Variants in BCAS3 observed in about 807,000 individuals in gnomAD.
BCAS3 encodes the protein BCAS4/BCAS3 fusion.
A neutral mutation model predicts 116.1 loss-of-function variants in BCAS3; 53 were observed. The observed-to-expected ratio is 0.46, with a 90% CI of 0.37 to 0.57. The LOEUF is 0.57. Among genes scored for constraint, BCAS3 ranks in the 20% least tolerant of loss-of-function variants. The pLI is 0.00. For missense variants in BCAS3, 917 were observed against 1,165.4 expected (o/e 0.79, Z 3.10); for synonymous variants, 391 against 408.2 (o/e 0.96, Z 0.51).
rs769079887 is a variant in BCAS3, at chr17:61,181,098, C to T, written c.2425+96534C>T. On this transcript the variant is annotated intron_variant, in intron 22 of 23. Transcript: ENST00000407086. The surrounding 1 kb of genome is among the most constrained non-coding windows in gnomAD (Gnocchi z 5.0). The stretch of plus-strand genomic sequence containing the variant: ...AAAATTAGCCCAGAATGGTGGCACA[C>T]GCCTGTAGTCTCAGCTACTCAGGAG... Among the ~76,000 whole-genome samples, 15 of 152,080 alleles carry T rather than the reference C, an allele frequency of 9.9e-5. No individual in the cohort carries two copies. Among genetic ancestry groups the T allele is most frequent in the East Asian group, 3.9e-4 (2 of 5,192 alleles).
rs540744230 is a variant in BCAS3, at chr17:61,129,756, C to T, written c.2425+45192C>T. ...ATTGTTTGACACCTTTAGTTCCTCC[C>T]GTGGACTTCATGTCCTTCCTTGTCC... On this transcript the variant is annotated intron_variant, in intron 22 of 23. Coordinates refer to ENST00000407086, the MANE Select transcript of BCAS3 (RefSeq NM_017679.5). Among the ~76,000 whole-genome samples, 3 of 152,318 alleles carry T rather than the reference C, an allele frequency of 2.0e-5. No individual in the cohort carries two copies. The East Asian group carries it at 5.8e-4, about 29-fold the overall frequency.
In BCAS3 at chr17:61,171,942, C is replaced by A. The variant is rs2078864148; in HGVS notation, c.2425+87378C>A. On this transcript the variant is annotated intron_variant, in intron 22 of 23. Transcript: ENST00000407086. The surrounding 1 kb of genome is among the most constrained non-coding windows in gnomAD (Gnocchi z 4.1). ...GCCACCATACCCAGCAAACAGGAAGCTTTAAAAAGCAGGAATGGCTATATT... is the reference window on the plus strand; with the variant it reads ...GCCACCATACCCAGCAAACAGGAAGATTTAAAAAGCAGGAATGGCTATATT... 6.6e-6 allele frequency among the ~76,000 whole-genome samples: 1 copy of A among 151,982 alleles called. No homozygotes were observed. The highest frequency in any genetic ancestry group is 6.6e-5 in the Admixed American group (1 of 15,252).
chr17:60,921,065 G>A (rs1294612372), intron 12 of BCAS3, among the ~76,000 whole-genome samples: 3 of 152,038 alleles, frequency 2.0e-5, no homozygotes, highest in Non-Finnish European at 4.4e-5. Flanking sequence ...CCACTAATGG[G>A]TATATACCCA....
In BCAS3 at chr17:61,315,955, G is replaced by T. The variant is rs2054696773; in HGVS notation, c.2426-52372G>T. ...TCTCTATCTCACTGAACCTCTTTAG[G>T]ACCAGGATTTTCCCTTTTCATGTGT... On this transcript the variant is annotated intron_variant, in intron 22 of 23. Transcript: ENST00000407086. This position sits in a 1 kb window ranked among gnomAD's most constrained non-coding sequence, Gnocchi z 5.3. Among the ~76,000 whole-genome samples, 1 of 152,062 alleles carries T rather than the reference G, an allele frequency of 6.6e-6. No homozygotes were observed.
At chr17:61,232,603 T>G (rs905274503) in intron 22 of BCAS3, among the ~76,000 whole-genome samples, 1 of 152,136 alleles carries the variant, frequency 6.6e-6, no homozygotes, top group African/African-American at 2.4e-5. Context: ...AAGAAAATCT[T>G]CAAAAACCCA....
At chr17:61,009,623 A>T (rs574100366) in intron 15 of BCAS3, among the ~76,000 whole-genome samples, 44 of 152,190 alleles carry the variant, frequency 2.9e-4, no homozygotes, top group African/African-American at 1.0e-3. Context: ...AAATACATTC[A>T]TTTTTTATTT....
At chr17:60,680,762 C>T (rs1489036877) in intron 2 of BCAS3, among the ~76,000 whole-genome samples, 1 of 152,100 alleles carries the variant, frequency 6.6e-6, no homozygotes, top group East Asian at 1.9e-4. Flanking sequence ...ATTCTCCTGC[C>T]TTGGCCTCCC....
In BCAS3 at chr17:61,286,464, G is replaced by A. The variant is rs1247615959; in HGVS notation, c.2426-81863G>A. ...GATAGAAATCCGACGTGGTGTTTAT[G>A]ACCCTGGAGGCCATCGATAACTGGA... On this transcript the variant is annotated intron_variant, in intron 22 of 23. Coordinates refer to ENST00000407086, the MANE Select transcript of BCAS3 (RefSeq NM_017679.5). The surrounding 1 kb of genome is among the most constrained non-coding windows in gnomAD (Gnocchi z 4.8). Among the ~76,000 whole-genome samples the A allele has an allele frequency of 6.6e-6, 1 of 152,178 alleles. No homozygotes were observed. The highest frequency in any genetic ancestry group is 2.4e-5 in the African/African-American group (1 of 41,444).
At chr17:60,801,151 T>G (rs1438929802) in intron 6 of BCAS3, among the ~76,000 whole-genome samples, 2 of 152,170 alleles carry the variant, frequency 1.3e-5, no homozygotes, top group African/African-American at 4.8e-5. Context: ...GTTATGTATC[T>G]CCATGTATTT....
At chr17:60,976,952 A>G (rs372663374) in intron 14 of BCAS3, among the ~76,000 whole-genome samples, 4 of 152,098 alleles carry the variant, frequency 2.6e-5, no homozygotes, top group Admixed American at 2.6e-4. Flanking sequence ...GAGCTGTTGG[A>G]TACACCTCCC....
intron 22 of BCAS3, among the ~76,000 whole-genome samples, chr17:61,177,963 G>C (rs906750415): frequency 6.6e-6 from 1 of 152,080 alleles, no homozygotes; most frequent in African/African-American, 2.4e-5. Context: ...ATATACTATA[G>C]CTACTAAATG....
At chr17:61,011,489 G>A (rs943008220) in intron 15 of BCAS3, among the ~76,000 whole-genome samples, 4 of 151,998 alleles carry the variant, frequency 2.6e-5, no homozygotes, top group African/African-American at 9.7e-5. Flanking sequence ...AGTGAAAGCC[G>A]CAGACTCCAG....
At chr17:60,732,474 A>C (rs965070926) in intron 5 of BCAS3, among the ~76,000 whole-genome samples, 5 of 152,184 alleles carry the variant, frequency 3.3e-5, no homozygotes, top group African/African-American at 1.2e-4. Context: ...TACATAGACA[A>C]GATGCTGCTT....
In BCAS3 at chr17:61,327,874, T is replaced by G. The variant is rs575438195; in HGVS notation, c.2426-40453T>G. Reference sequence around the variant, plus strand: ...AAGGAACTTAGTGGTAGGTGTGACTTTAAGGTTTGCAATGGTTGATCAGAC... The same window carrying G: ...AAGGAACTTAGTGGTAGGTGTGACTGTAAGGTTTGCAATGGTTGATCAGAC... On this transcript the variant is annotated intron_variant, in intron 22 of 23. Coordinates refer to ENST00000407086, the MANE Select transcript of BCAS3 (RefSeq NM_017679.5). This position sits in a 1 kb window ranked among gnomAD's most constrained non-coding sequence, Gnocchi z 5.9. Among the ~76,000 whole-genome samples, 60 of 152,318 alleles carry G rather than the reference T, an allele frequency of 3.9e-4. No homozygotes were observed. Among genetic ancestry groups the G allele is most frequent in the African/African-American group, 1.3e-3 (54 of 41,576 alleles).
intron 22 of BCAS3, among the ~76,000 whole-genome samples, chr17:61,194,004 C>G (rs2080319691): frequency 6.6e-6 from 1 of 151,650 alleles, no homozygotes; most frequent in Non-Finnish European, 1.5e-5. Flanking sequence ...GTAATCCCAG[C>G]TATTTGGGAG....
At chr17:60,703,912 G>A (rs1412548347) in intron 4 of BCAS3, among the ~76,000 whole-genome samples, 1 of 138,008 alleles carries the variant, frequency 7.2e-6, no homozygotes, top group Non-Finnish European at 1.5e-5. Flanking sequence ...GACAGACACC[G>A]TCTCAAAAAA....
Position 61,077,633 on chromosome 17 carries a change from G to C in BCAS3, c.2131-700G>C, listed in dbSNP as rs956861586. Among the ~76,000 whole-genome samples the C allele has an allele frequency of 6.6e-6, 1 of 152,170 alleles. No homozygotes were observed. Among genetic ancestry groups the C allele is most frequent in the Non-Finnish European group, 1.5e-5 (1 of 68,032 alleles). On this transcript the variant is annotated intron_variant, in intron 20 of 23. Transcript: ENST00000407086. This position sits in a 1 kb window ranked among gnomAD's most constrained non-coding sequence, Gnocchi z 4.3. ...ATTACTGTTTTGTAGCACATCAAAT[G>C]CCTGTGTCGATATTTGTGGCAGTTG...
In BCAS3 at chr17:61,294,674, T is replaced by G. The variant is rs1473375742; in HGVS notation, c.2426-73653T>G. 2.0e-5 allele frequency among the ~76,000 whole-genome samples: 3 copies of G among 152,228 alleles called. No individual in the cohort carries two copies. The East Asian group carries it at 5.8e-4, about 29-fold the overall frequency. On this transcript the variant is annotated intron_variant, in intron 22 of 23. Coordinates refer to ENST00000407086, the MANE Select transcript of BCAS3 (RefSeq NM_017679.5). ...CTACCTCATTGAGTACTCTTCTGTTTCATCTCTTCTGTCCCTGTATTTGTC... is the reference window on the plus strand; with the variant it reads ...CTACCTCATTGAGTACTCTTCTGTTGCATCTCTTCTGTCCCTGTATTTGTC...
intron 22 of BCAS3, among the ~76,000 whole-genome samples, chr17:61,238,835 C>T (rs1412911278): frequency 1.3e-5 from 2 of 152,038 alleles, no homozygotes; most frequent in Admixed American, 1.3e-4. Context: ...TTGGCAGGGT[C>T]AGTCAGACAT....
Sources: gnomAD v4.1 joint callset for allele counts (sites outside exome capture counted in the v4.1 genomes callset) on GRCh38, gnomAD v4.1.1 for gene constraint, Gnocchi (gnomAD v3.1) non-coding constraint, MANE v1.5 for transcripts, NCBI Gene and HGNC (gene_info 2026-07-23, HGNC 2026-07-21) for gene names.